XRCC4: variants seen among roughly 807,000 people sequenced by gnomAD.
XRCC4 encodes the protein X-ray repair cross complementing 4, also known as DNA repair protein XRCC4.
Under a neutral mutation model 39.1 loss-of-function variants are expected in XRCC4, and 28 were observed. The ratio of observed to expected loss-of-function variants is 0.72; its 90% CI spans 0.53 to 0.98. The LOEUF (loss-of-function observed/expected upper bound fraction) is 0.98, where lower values mean the gene tolerates loss of function less well. XRCC4 is among the 50% of genes least tolerant of loss of function. The pLI is 0.00. For missense variants in XRCC4, 350 were observed against 376.4 expected (o/e 0.93, Z 0.58); for synonymous variants, 123 against 126.4 (o/e 0.97, Z 0.18).
intron 6 of XRCC4, among the ~76,000 whole-genome samples, chr5:83,256,712 A>T (rs1382459285): frequency 6.6e-6 from 1 of 152,112 alleles, no homozygotes; most frequent in Admixed American, 6.5e-5. Flanking sequence ...TAATAAAAAA[A>T]GTCCTAAAAT....
At chr5:83,276,605 A>G (rs1294997743) in intron 7 of XRCC4, among the ~76,000 whole-genome samples, 1 of 152,156 alleles carries the variant, frequency 6.6e-6, no homozygotes, top group African/African-American at 2.4e-5. Context: ...CTTCACCCAC[A>G]CAAATGGTCT....
At chr5:83,313,054 ATG>A (rs1755757446) in intron 7 of XRCC4, among the ~76,000 whole-genome samples, 1 of 149,430 alleles carries the variant, frequency 6.7e-6, no homozygotes, top group Admixed American at 6.8e-5. Context: ...ATGCCAAAAA[ATG>A]TCTCTTTTTT....
the XRCC4 span, among the ~76,000 whole-genome samples, chr5:83,361,794 G>T: frequency 6.6e-6 from 1 of 151,756 alleles, no homozygotes; most frequent in African/African-American, 2.4e-5. Flanking sequence ...GCTAATTTTT[G>T]TATTTTTAGT....
chr5:83,323,968 A>G (rs983100174), intron 7 of XRCC4, among the ~76,000 whole-genome samples: 1 of 152,080 alleles, frequency 6.6e-6, no homozygotes, highest in Non-Finnish European at 1.5e-5. Flanking sequence ...GGATAAGTTT[A>G]TATCAGTTTC....
chr5:83,180,303 T>C (rs1468708412), intron 3 of XRCC4, among the ~76,000 whole-genome samples: 1 of 152,046 alleles, frequency 6.6e-6, no homozygotes, highest in African/African-American at 2.4e-5. Flanking sequence ...AGTATTGTAA[T>C]AGAAGTCAGA....
chr5:83,242,162 TTGTGTGTGTGTG>T (rs60919474), intron 6 of XRCC4, among the ~76,000 whole-genome samples: 7 of 145,258 alleles, frequency 4.8e-5, no homozygotes, highest in Admixed American at 1.4e-4. Flanking sequence ...CGTATACACA[TTGTGTGTGTGTG>T]TGTGTGTGTG....
chr5:83,356,784 T>G (rs1170347080), downstream of XRCC4: 1 of 452,900 alleles, frequency 2.2e-6, no homozygotes, highest in African/African-American at 2.0e-5. Flanking sequence ...TGAGTTACAA[T>G]GCAGCATGGC....
At chr5:83,109,047 A>C (rs1446887179) in intron 2 of XRCC4, among the ~76,000 whole-genome samples, 1 of 151,720 alleles carries the variant, frequency 6.6e-6, no homozygotes, top group East Asian at 1.9e-4. Context: ...ATCATATTTT[A>C]TTATCAAAAC....
intron 7 of XRCC4, among the ~76,000 whole-genome samples, chr5:83,309,194 G>T (rs1432067349): frequency 7.2e-6 from 1 of 138,264 alleles, no homozygotes; most frequent in Non-Finnish European, 1.5e-5. Flanking sequence ...CAGGAGAATG[G>T]CATGAACCCG....
intron 6 of XRCC4, among the ~76,000 whole-genome samples, chr5:83,245,833 T>TC (rs201220766): frequency 0.016 from 2,250 of 139,812 alleles, 56 homozygotes; most frequent in African/African-American, 0.054. Flanking sequence ...CTTTTCTCAC[T>TC]CCCCCCCTCC....
At chr5:83,083,809 G>A (rs568394667) in intron 1 of XRCC4, among the ~76,000 whole-genome samples, 7 of 151,964 alleles carry the variant, frequency 4.6e-5, no homozygotes, top group Non-Finnish European at 1.0e-4. Context: ...TCTTCTATTT[G>A]GAATGCCCTT....
intron 1 of XRCC4, among the ~76,000 whole-genome samples, chr5:83,081,138 G>A (rs1296798326): frequency 6.6e-6 from 1 of 152,174 alleles, no homozygotes; most frequent in Non-Finnish European, 1.5e-5. Context: ...CTTGGATAAG[G>A]AGAGGACTGC....
At chr5:83,229,721 A>G (rs1340437663) in intron 6 of XRCC4, among the ~76,000 whole-genome samples, 1 of 147,832 alleles carries the variant, frequency 6.8e-6, no homozygotes, top group Non-Finnish European at 1.5e-5. Context: ...TTTGGAAAAC[A>G]CCGAGTTAAT....
intron 1 of XRCC4, among the ~76,000 whole-genome samples, chr5:83,093,546 A>G (rs1745530295): frequency 6.6e-6 from 1 of 152,218 alleles, no homozygotes. Flanking sequence ...TCTGGGATAG[A>G]TTGTATGTTA....
intron 3 of XRCC4, among the ~76,000 whole-genome samples, chr5:83,190,354 A>G (rs1750640272): frequency 6.6e-6 from 1 of 152,198 alleles, no homozygotes; most frequent in Admixed American, 6.5e-5. Context: ...ATAAACTGTA[A>G]TGGATAGACT....
At chr5:83,276,364 G>A (rs1442725423) in intron 7 of XRCC4, among the ~76,000 whole-genome samples, 1 of 150,308 alleles carries the variant, frequency 6.7e-6, no homozygotes, top group Non-Finnish European at 1.5e-5. Flanking sequence ...AATCCCAAAT[G>A]TGTCAGTATT....
At chr5:83,084,961 G>T (rs532588891) in intron 1 of XRCC4, among the ~76,000 whole-genome samples, 3 of 152,068 alleles carry the variant, frequency 2.0e-5, no homozygotes, top group Non-Finnish European at 4.4e-5. Context: ...TAGTAATGTC[G>T]TTGCAAATGA....
intron 3 of XRCC4, among the ~76,000 whole-genome samples, chr5:83,127,880 CTT>C (rs59797411): frequency 0.5 from 67,148 of 133,858 alleles, 16,453 homozygotes; most frequent in African/African-American, 0.62. Flanking sequence ...TCTAAGTTGA[CTT>C]TTTTTTTTTT....
At chr5:83,309,696 G>A (rs550777626) in intron 7 of XRCC4, among the ~76,000 whole-genome samples, 9 of 149,852 alleles carry the variant, frequency 6.0e-5, no homozygotes, top group East Asian at 4.0e-4. Context: ...CCCGGGAGGC[G>A]GAGGTTGCAG....
Sources: allele counts gnomAD v4.1 joint callset (sites outside exome capture counted in the v4.1 genomes callset), GRCh38; gene constraint gnomAD v4.1.1; transcripts MANE v1.5; gene names NCBI Gene and HGNC (gene_info 2026-07-23, HGNC 2026-07-21).